Variants in VPS8 observed in about 807,000 individuals in gnomAD.
VPS8 encodes the protein vacuolar protein sorting-associated protein 8 homolog.
VPS8 carries 129 observed loss-of-function variants against 216.4 expected under a neutral mutation model. The ratio of observed to expected loss-of-function variants is 0.60; its 90% confidence interval spans 0.52 to 0.69. The LOEUF (loss-of-function observed/expected upper bound fraction) is 0.69. Among genes scored for constraint, VPS8 ranks in the 30% least tolerant of loss-of-function variants. VPS8 has a pLI of 0.00. For missense variants in VPS8, 1,531 were observed against 1,683.5 expected (o/e 0.91, Z 1.59); for synonymous variants, 571 against 565.4 (o/e 1.01, Z -0.14).
At chr3:184,870,097 A>G (rs1295268953) in intron 20 of VPS8, among the ~76,000 whole-genome samples, 2 of 152,186 alleles carry the variant, frequency 1.3e-5, no homozygotes, top group African/African-American at 2.4e-5. Context: ...GACATTTGTT[A>G]GTTTTTATAA....
chr3:185,048,922 T>C (rs938296735), intron 47 of VPS8, among the ~76,000 whole-genome samples: 27 of 152,210 alleles, frequency 1.8e-4, no homozygotes, highest in African/African-American at 6.3e-4. Context: ...CCTGGGCATC[T>C]GCACTGGTTG....
intron 28 of VPS8, among the ~76,000 whole-genome samples, chr3:184,915,956 T>C (rs1012775177): frequency 1.3e-5 from 2 of 152,210 alleles, no homozygotes; most frequent in Admixed American, 6.5e-5. Flanking sequence ...GTTCCTTGCC[T>C]TCCTCCCTTT....
At chr3:184,972,711 C>G (rs554136079) in intron 40 of VPS8, among the ~76,000 whole-genome samples, 1 of 152,316 alleles carries the variant, frequency 6.6e-6, no homozygotes, top group East Asian at 1.9e-4. Flanking sequence ...AAGGAGGTAT[C>G]GTTGAGCAGC....
chr3:184,886,022 C>G, intron 21 of VPS8, 88 bp from the exon 22 acceptor site: 1 of 1,421,500 alleles, frequency 7.0e-7, no homozygotes, highest in South Asian at 1.3e-5. Flanking sequence ...TCCTAACAAT[C>G]TAAAAGCATC....
chr3:184,853,325 G>A (rs1259367364), intron 11 of VPS8, among the ~76,000 whole-genome samples: 4 of 152,156 alleles, frequency 2.6e-5, no homozygotes, highest in African/African-American at 9.7e-5. Flanking sequence ...GTGCTGTGAA[G>A]AAAACAAGAC....
chr3:185,012,219 A>G (rs1365155408), intron 45 of VPS8, among the ~76,000 whole-genome samples: 3 of 148,552 alleles, frequency 2.0e-5, no homozygotes, highest in Admixed American at 6.8e-5. Flanking sequence ...TCTATATTTT[A>G]TAGATATATA....
rs1220519754 is a variant in VPS8 at position 184,839,684 on chromosome 3, C to G, written c.481-14C>G. On this transcript the variant is annotated splice_polypyrimidine_tract_variant and intron_variant, in intron 6 of 47. Coordinates refer to ENST00000625842, the MANE Select transcript of VPS8 (RefSeq NM_001009921.3). ...TGTAATGTCTTAAAACGTAATCTTC[C>G]CTTTTGTTTTCAGGCAGTATCCAGT... 1 of 1,596,790 alleles carries G rather than the reference C, an allele frequency of 6.3e-7. No individual in the cohort carries two copies. The highest frequency in any genetic ancestry group is 1.7e-5 in the Admixed American group (1 of 57,594).
intron 22 of VPS8, among the ~76,000 whole-genome samples, chr3:184,888,075 C>T (rs1731628873): frequency 6.6e-6 from 1 of 151,736 alleles, no homozygotes; most frequent in African/African-American, 2.4e-5. Flanking sequence ...GCAAGCTCTG[C>T]CTCCTGGGTT....
At chr3:184,951,209 G>A (rs1744641021) in intron 36 of VPS8, among the ~76,000 whole-genome samples, 2 of 152,166 alleles carry the variant, frequency 1.3e-5, no homozygotes, top group Non-Finnish European at 2.9e-5. Context: ...ATGTGGGCTA[G>A]ACATGGTGAC....
intron 42 of VPS8, 118 bp downstream of exon 42, chr3:184,983,212 T>C: frequency 1.2e-6 from 1 of 832,076 alleles, no homozygotes; most frequent in African/African-American, 1.8e-5. Flanking sequence ...AGCTAATTTT[T>C]GGCAATAGCT....
At chr3:184,910,553 A>G (rs1736317374) in intron 25 of VPS8, among the ~76,000 whole-genome samples, 1 of 152,158 alleles carries the variant, frequency 6.6e-6, no homozygotes. Flanking sequence ...GTCTTTGACT[A>G]AGCTGCTTTG....
intron 15 of VPS8, among the ~76,000 whole-genome samples, 154 bp from the exon 16 acceptor site, chr3:184,862,743 C>T (rs1349116371): frequency 1.3e-5 from 2 of 152,212 alleles, no homozygotes; most frequent in Non-Finnish European, 2.9e-5. Context: ...TGGCCTGTCA[C>T]TGAGTAGTTC....
intron 8 of VPS8, among the ~76,000 whole-genome samples, chr3:184,845,004 C>A (rs542339883): frequency 5.3e-5 from 8 of 152,192 alleles, no homozygotes; most frequent in African/African-American, 1.7e-4. Flanking sequence ...TTATTAAGAC[C>A]CCTGCAATTT....
At chr3:184,821,593 C>A (rs1239961716) in intron 1 of VPS8, among the ~76,000 whole-genome samples, 3 of 151,950 alleles carry the variant, frequency 2.0e-5, no homozygotes, top group African/African-American at 7.3e-5. Flanking sequence ...TCAGGAAATC[C>A]ACCCGCCTCA....
chr3:185,033,132 T>C (rs1428731614), intron 46 of VPS8, among the ~76,000 whole-genome samples: 2 of 152,196 alleles, frequency 1.3e-5, no homozygotes, highest in Non-Finnish European at 2.9e-5. Flanking sequence ...GCAATATTAA[T>C]ACATTATTAA....
intron 3 of VPS8, among the ~76,000 whole-genome samples, chr3:184,828,840 A>G (rs1719372024): frequency 6.6e-6 from 1 of 152,228 alleles, no homozygotes; most frequent in Admixed American, 6.5e-5. Flanking sequence ...ACCAGAATCC[A>G]GATAAAGCAG....
At chr3:185,027,544 T>TA (rs1441022305) in intron 46 of VPS8, among the ~76,000 whole-genome samples, 1 of 152,138 alleles carries the variant, frequency 6.6e-6, no homozygotes, top group Non-Finnish European at 1.5e-5. Flanking sequence ...ACCCGGCTCT[T>TA]ACGTTCTTTA....
At chr3:184,860,189 C>A in intron 15 of VPS8, 124 bp downstream of exon 15, 1 of 837,756 alleles carries the variant, frequency 1.2e-6, no homozygotes, top group Non-Finnish European at 1.8e-6. Flanking sequence ...GAAATATGGA[C>A]AGTCCGGCAC....
At chr3:184,927,406 A>G (rs188666807) in intron 31 of VPS8, among the ~76,000 whole-genome samples, 3 of 152,312 alleles carry the variant, frequency 2.0e-5, no homozygotes, top group Admixed American at 6.5e-5. Context: ...CCGCACAGCT[A>G]TGGCCCAGTG....
Sources: gnomAD v4.1 joint callset for allele counts (sites outside exome capture counted in the v4.1 genomes callset) on GRCh38, gnomAD v4.1.1 for gene constraint, MANE v1.5 for transcripts, NCBI Gene and HGNC (gene_info 2026-07-23, HGNC 2026-07-21) for gene names.